Variants in ZDHHC17 observed in about 807,000 individuals in gnomAD.
ZDHHC17 encodes the protein zDHHC palmitoyltransferase 17.
In ZDHHC17, 40 loss-of-function variants were observed where a neutral mutation model predicts 90.3. The observed-to-expected ratio is 0.44, with a 90% confidence interval of 0.34 to 0.58. ZDHHC17 has a LOEUF of 0.58. ZDHHC17 is among the 20% of genes least tolerant of loss of function. The pLI is 0.01. For synonymous variants in ZDHHC17, 235 were observed against 252.4 expected, an observed-to-expected ratio of 0.93 and a Z score of 0.65; for missense variants, 614 against 780.8, an observed-to-expected ratio of 0.79 and a Z score of 2.55.
At chr12:76,841,091 C>G (rs987187386) in intron 10 of ZDHHC17, 3 of 152,200 alleles carry the variant, frequency 2.0e-5, no homozygotes, top group Admixed American at 1.3e-4. Flanking sequence ...AGATAAGTCA[C>G]TTTTGAATAT....
At chr12:76,791,047 C>T (rs1186636567) in intron 1 of ZDHHC17, among the ~76,000 whole-genome samples, 2 of 151,948 alleles carry the variant, frequency 1.3e-5, no homozygotes, top group South Asian at 4.2e-4. Context: ...CATTGTATAC[C>T]TGTATTGAAA....
intron 10 of ZDHHC17, among the ~76,000 whole-genome samples, chr12:76,830,551 T>TCTTAA (rs1953287562): frequency 6.6e-6 from 1 of 152,198 alleles, no homozygotes; most frequent in Admixed American, 6.5e-5. Context: ...CAAGGATTTA[T>TCTTAA]TAAGCATTAG....
chr12:76,841,311 A>G (rs954727866), intron 10 of ZDHHC17, among the ~76,000 whole-genome samples: 1 of 152,214 alleles, frequency 6.6e-6, no homozygotes, highest in East Asian at 1.9e-4. Context: ...TAATACTTGT[A>G]TCTACATACA....
chr12:76,800,629 T>G (rs1484742913), intron 2 of ZDHHC17, among the ~76,000 whole-genome samples: 1 of 152,206 alleles, frequency 6.6e-6, no homozygotes, highest in Non-Finnish European at 1.5e-5. Flanking sequence ...CATTCTTGAT[T>G]TAAAGTTTAT....
intron 7 of ZDHHC17, among the ~76,000 whole-genome samples, chr12:76,821,428 A>G (rs1953161795): frequency 6.6e-6 from 1 of 152,080 alleles, no homozygotes; most frequent in Non-Finnish European, 1.5e-5. Context: ...TAAATAAACT[A>G]TACTTAATAA....
intron 14 of ZDHHC17, 21 bp downstream of exon 14, chr12:76,846,700 G>T: frequency 6.4e-7 from 1 of 1,574,504 alleles, no homozygotes; most frequent in Non-Finnish European, 8.7e-7. Context: ...TTAGTTTTCG[G>T]TCTTTTTAAA....
intron 1 of ZDHHC17, among the ~76,000 whole-genome samples, chr12:76,767,909 TAAAAA>T (rs577647746): frequency 7.0e-6 from 1 of 143,862 alleles, no homozygotes; most frequent in Admixed American, 6.9e-5. Context: ...AAAACTCTCT[TAAAAA>T]AAAAAAAAAT....
chr12:76,791,180 A>T (rs1952755608), intron 1 of ZDHHC17, among the ~76,000 whole-genome samples: 1 of 152,192 alleles, frequency 6.6e-6, no homozygotes, highest in African/African-American at 2.4e-5. Context: ...TCTGCTGGCA[A>T]TGTTAACTAA....
At chr12:76,793,254 C>T (rs931686107) in intron 1 of ZDHHC17, among the ~76,000 whole-genome samples, 11 of 152,232 alleles carry the variant, frequency 7.2e-5, no homozygotes, top group African/African-American at 2.4e-4. Flanking sequence ...AGTGCAGTGG[C>T]TCCTGCCTGT....
In ZDHHC17 at chr12:76,787,617, CCTCTCTCT is replaced by C. The variant is rs3044465; in HGVS notation, c.94-9800_94-9793del. ...AGTGAAAACACACACTCTGTCTCTC[CCTCTCTCT>C]CTCTCTCTCTCTCTCTGTCTCTTGT... On this transcript the variant is annotated intron_variant, in intron 1 of 16. Coordinates refer to ENST00000426126, the MANE Select transcript of ZDHHC17 (RefSeq NM_015336.4). Among the ~76,000 whole-genome samples the C allele has an allele frequency of 8.3e-3, 1,235 of 149,066 alleles. 16 individuals carry two copies. Among genetic ancestry groups the C allele is most frequent in the African/African-American group, 0.028 (1,145 of 40,464 alleles).
chr12:76,818,263 T>C (rs746551845), intron 7 of ZDHHC17, among the ~76,000 whole-genome samples: 1 of 152,194 alleles, frequency 6.6e-6, no homozygotes, highest in African/African-American at 2.4e-5. Context: ...ATTAAAAAGA[T>C]GAAATGAGTA....
At chr12:76,826,812 C>A in intron 8 of ZDHHC17, 96 bp from the exon 9 acceptor site, 1 of 1,270,022 alleles carries the variant, frequency 7.9e-7, no homozygotes, top group Non-Finnish European at 1.1e-6. Flanking sequence ...GAATGAATTT[C>A]ACCCGCTGTT....
intron 2 of ZDHHC17, among the ~76,000 whole-genome samples, chr12:76,800,627 A>AT (rs1952874503): frequency 6.6e-6 from 1 of 152,074 alleles, no homozygotes; most frequent in African/African-American, 2.4e-5. Flanking sequence ...ACCATTCTTG[A>AT]TTTAAAGTTT....
At chr12:76,842,832 A>G in intron 11 of ZDHHC17, 87 bp from the exon 12 acceptor site, 1 of 938,828 alleles carries the variant, frequency 1.1e-6, no homozygotes, top group Non-Finnish European at 1.6e-6. Flanking sequence ...TAAAGATGAA[A>G]ATCATGTTTA....
At chr12:76,820,951 TTGAG>T (rs1401015700) in intron 7 of ZDHHC17, 10 of 634,612 alleles carry the variant, frequency 1.6e-5, no homozygotes, top group Non-Finnish European at 2.5e-5. Flanking sequence ...TTTAAATGAA[TTGAG>T]TGTTTATTTT....
At position 76,814,331 on chromosome 12, in the gene ZDHHC17, A is replaced by T. The variant is rs970545902; in HGVS notation, c.544-815A>T. On this transcript the variant is annotated intron_variant, in intron 5 of 16. Transcript: ENST00000426126. Reference sequence around the variant, plus strand: ...GCAAAAAATTGAGTAGAAGAGGAAAAATAGTGGTTTATTACATGGTTTGGC... The same window carrying T: ...GCAAAAAATTGAGTAGAAGAGGAAATATAGTGGTTTATTACATGGTTTGGC... Among the ~76,000 whole-genome samples, 12 of 152,052 alleles carry T rather than the reference A, an allele frequency of 7.9e-5. No individual in the cohort carries two copies. The East Asian group carries it at 1.7e-3, about 22-fold the overall frequency.
At chr12:76,771,461 ATCTTTCTGATTATC>A (rs1278727040) in intron 1 of ZDHHC17, among the ~76,000 whole-genome samples, 2 of 152,194 alleles carry the variant, frequency 1.3e-5, no homozygotes, top group African/African-American at 2.4e-5. Context: ...TCCTAGGATC[ATCTTTCTGATTATC>A]GGTGATACTG....
intron 7 of ZDHHC17, among the ~76,000 whole-genome samples, chr12:76,818,635 TC>T (rs1178202740): frequency 6.6e-6 from 1 of 152,192 alleles, no homozygotes; most frequent in Non-Finnish European, 1.5e-5. Flanking sequence ...GAAAAAATTT[TC>T]CTTGTAGAGG....
chr12:76,816,224 T>A (rs1953085439), intron 7 of ZDHHC17, among the ~76,000 whole-genome samples: 1 of 151,956 alleles, frequency 6.6e-6, no homozygotes, highest in African/African-American at 2.4e-5. Flanking sequence ...ATCAAGAGAT[T>A]TAAATTTGAT....
Sources: gnomAD v4.1 joint callset for allele counts (sites outside exome capture counted in the v4.1 genomes callset) on GRCh38, gnomAD v4.1.1 for gene constraint, MANE v1.5 for transcripts, NCBI Gene and HGNC (gene_info 2026-07-23, HGNC 2026-07-21) for gene names.